Variants in COL4A2 observed in about 807,000 individuals in gnomAD.
COL4A2 encodes the protein collagen type IV alpha 2 chain, also known as collagen alpha-2(IV) chain.
Under a neutral mutation model 200.2 loss-of-function variants are expected in COL4A2, and 99 were observed. The observed-to-expected ratio is 0.49, with a 90% CI of 0.42 to 0.58. COL4A2 has a LOEUF of 0.58. Ranked by LOEUF, COL4A2 falls within the 20% of genes least tolerant of loss-of-function variation. The pLI is 0.00. For missense variants in COL4A2, 1,950 were observed against 2,314.1 expected, an observed-to-expected ratio of 0.84 and a Z score of 3.23; for synonymous variants, 897 against 900.6, an observed-to-expected ratio of 1.00 and a Z score of 0.07.
chr13:110,385,623 GTGTGTGGATAGGCCGTGGCTA>G (rs1878685793), intron 4 of COL4A2, among the ~76,000 whole-genome samples: 1 of 150,248 alleles, frequency 6.7e-6, no homozygotes, highest in African/African-American at 2.5e-5. Flanking sequence ...CGTGGCTACA[GTGTGTGGATAGGCCGTGGCTA>G]CAGTGTGTGG....
rs370828343 is a variant in COL4A2 at position 110,512,131 on chromosome 13, C to G, written c.5079C>G (p.Leu1693=). Residue 1693 remains leucine (L), a synonymous_variant, in exon 48 of 48, where the codon CTC becomes CTG. Coordinates refer to ENST00000360467, the MANE Select transcript of COL4A2 (RefSeq NM_001846.4). ...AGGGCTCGCCCTCCGCCGACACGCT[C>G]AAGGCCGGCCTCATCCGCACACACA... ...SFQGSPSADT[L]KAGLIRTHIS... is the part of the protein sequence containing the mutation. 8.7e-6 allele frequency: 14 copies of G among 1,613,468 alleles called. No individual in the cohort carries two copies. The highest frequency in any genetic ancestry group is 7.7e-5 in the South Asian group (7 of 91,082).
chr13:110,436,514 TC>T, intron 13 of COL4A2, 147 bp downstream of exon 13: 1 of 1,125,462 alleles, frequency 8.9e-7, no homozygotes, highest in Non-Finnish European at 1.2e-6. Context: ...AACCGGGTCC[TC>T]CCAGAATGTT....
chr13:110,409,675 T>C (rs1177343980), intron 4 of COL4A2, among the ~76,000 whole-genome samples: 1 of 152,252 alleles, frequency 6.6e-6, no homozygotes, highest in African/African-American at 2.4e-5. Flanking sequence ...GACTTTAATG[T>C]CACTTGGTTT....
intron 29 of COL4A2, among the ~76,000 whole-genome samples, chr13:110,474,084 T>C (rs1443255934): frequency 6.6e-6 from 1 of 152,080 alleles, no homozygotes; most frequent in African/African-American, 2.4e-5. Context: ...CTATGATCAT[T>C]CCACTGCACT....
At chr13:110,415,056 G>T (rs1879989013) in intron 4 of COL4A2, among the ~76,000 whole-genome samples, 1 of 152,176 alleles carries the variant, frequency 6.6e-6, no homozygotes, top group Non-Finnish European at 1.5e-5. Context: ...CTATTTCTGT[G>T]AGTGTCTAGA....
At chr13:110,485,977 C>A in intron 34 of COL4A2, 141 bp downstream of exon 34, 1 of 1,356,142 alleles carries the variant, frequency 7.4e-7, no homozygotes, top group Non-Finnish European at 9.9e-7. Context: ...GTGGGGTCCA[C>A]ACAGCCCTGG....
At chr13:110,485,488 A>C (rs542775471) in intron 33 of COL4A2, among the ~76,000 whole-genome samples, 167 bp from the exon 34 acceptor site, 1 of 138,440 alleles carries the variant, frequency 7.2e-6, no homozygotes, top group Admixed American at 8.1e-5. Context: ...GCGCCACTGC[A>C]CTCCAGCCTG....
chr13:110,493,825 G>GA (rs1298182762), intron 39 of COL4A2, among the ~76,000 whole-genome samples: 2 of 151,898 alleles, frequency 1.3e-5, no homozygotes, highest in East Asian at 1.9e-4. Context: ...GTTCTGGGGG[G>GA]GGCCGCGTCC....
At chr13:110,386,055 T>TTCTA (rs1310052161) in intron 4 of COL4A2, among the ~76,000 whole-genome samples, 1 of 110,986 alleles carries the variant, frequency 9.0e-6, no homozygotes, top group African/African-American at 2.9e-5. Flanking sequence ...CGTGGTTACG[T>TTCTA]TTTGTGGATA....
At position 110,503,863 on chromosome 13, in the gene COL4A2, G is replaced by A; in HGVS notation, c.4155G>A (p.Val1385=). The change falls in exon 44 of 48, where the codon GTG becomes GTA. Residue 1385 remains valine, a synonymous_variant. Transcript: ENST00000360467. ...CCCTTCCAGGTGCCCCCGGGACTGT[G>A]GGAGCCCCCGGGATTGCAGGAATCC... The part of the protein sequence containing the change: ...DPGFPGAPGT[V]GAPGIAGIPQ... The A allele has an allele frequency of 6.2e-7, 1 of 1,613,898 alleles. No individual in the cohort carries two copies. The highest frequency in any genetic ancestry group is 8.5e-7 in the Non-Finnish European group (1 of 1,179,896).
chr13:110,312,996 G>A (rs1333309796), intron 3 of COL4A2, among the ~76,000 whole-genome samples: 1 of 152,192 alleles, frequency 6.6e-6, no homozygotes, highest in South Asian at 2.1e-4. Flanking sequence ...GTGAGCCGGG[G>A]TCTCCGCTGT....
chr13:110,427,498 TA>T (rs1304237993), intron 6 of COL4A2, among the ~76,000 whole-genome samples: 1 of 152,234 alleles, frequency 6.6e-6, no homozygotes, highest in Non-Finnish European at 1.5e-5. Context: ...AAAGTAACTG[TA>T]AAAGACATCC....
chr13:110,408,758 CAGA>C (rs1365949727), intron 4 of COL4A2, among the ~76,000 whole-genome samples: 1 of 152,102 alleles, frequency 6.6e-6, no homozygotes, highest in African/African-American at 2.4e-5. Flanking sequence ...ATAATGAGAG[CAGA>C]AGACCACAAC....
chr13:110,472,666 G>A (rs974913853), intron 28 of COL4A2, among the ~76,000 whole-genome samples: 5 of 152,140 alleles, frequency 3.3e-5, no homozygotes, highest in Non-Finnish European at 5.9e-5. Flanking sequence ...GTCCAAGGAG[G>A]CGTTGTTGGC....
At chr13:110,395,758 A>G (rs1320620347) in intron 4 of COL4A2, among the ~76,000 whole-genome samples, 2 of 152,142 alleles carry the variant, frequency 1.3e-5, no homozygotes, top group Non-Finnish European at 2.9e-5. Context: ...CAGCCTGGCC[A>G]ATATGACGAA....
At chr13:110,487,187 C>A (rs1883144743) in intron 34 of COL4A2, among the ~76,000 whole-genome samples, 1 of 152,266 alleles carries the variant, frequency 6.6e-6, no homozygotes, top group Admixed American at 6.5e-5. Context: ...TGCAGTGGCT[C>A]TTGCCTATAA....
In COL4A2 at chr13:110,512,852, CATT is replaced by C. The variant is rs941511233; in HGVS notation, c.*662_*664del. 3 of 152,556 alleles carry C rather than the reference CATT, an allele frequency of 2.0e-5. No homozygotes were observed. The highest frequency in any genetic ancestry group is 1.9e-4 in the East Asian group (1 of 5,188). 9.5% of individuals were successfully genotyped at this position (152,556 alleles called of 1,614,324 possible). ...CAGAAGTGGAGACCTTTCTAGACAT[CATT>C]GTCAGCCTTGCTACTTGAAGGTACA... On this transcript the variant is annotated 3_prime_UTR_variant, in exon 48 of 48. Coordinates refer to ENST00000360467, the MANE Select transcript of COL4A2 (RefSeq NM_001846.4).
At chr13:110,488,668 T>C (rs756923768) in intron 34 of COL4A2, among the ~76,000 whole-genome samples, 7 of 152,234 alleles carry the variant, frequency 4.6e-5, no homozygotes, top group Non-Finnish European at 8.8e-5. Flanking sequence ...CTGAGTGACC[T>C]TAAGCAAAAC....
intron 4 of COL4A2, among the ~76,000 whole-genome samples, chr13:110,404,536 G>T (rs1191474696): frequency 6.6e-6 from 1 of 152,166 alleles, no homozygotes; most frequent in African/African-American, 2.4e-5. Context: ...ACAGGGAGGT[G>T]CCGGGAGTGT....
Sources: allele counts gnomAD v4.1 joint callset (sites outside exome capture counted in the v4.1 genomes callset), GRCh38; gene constraint gnomAD v4.1.1; transcripts MANE v1.5; gene names NCBI Gene and HGNC (gene_info 2026-07-23, HGNC 2026-07-21).